Variants in RANBP17 observed in about 807,000 individuals in gnomAD.
RANBP17 encodes RAN binding protein 17, also known as ran-binding protein 17.
Under a neutral mutation model 141.2 loss-of-function variants are expected in RANBP17, and 158 were observed. The observed-to-expected ratio is 1.12, with a 90% CI of 0.98 to 1.28. RANBP17 has a LOEUF of 1.28. Ranked by LOEUF, RANBP17 falls within the 50% of genes most tolerant of loss-of-function variation. The pLI, the probability that RANBP17 is intolerant of heterozygous loss-of-function variation, is 0.00. For missense variants in RANBP17, 1,438 were observed against 1,290.7 expected, an observed-to-expected ratio of 1.11 and a Z score of -1.75; for synonymous variants, 430 against 450.0, an observed-to-expected ratio of 0.96 and a Z score of 0.56.
chr5:170,872,829 T>C (rs1767862031), intron 1 of RANBP17, among the ~76,000 whole-genome samples: 1 of 152,244 alleles, frequency 6.6e-6, no homozygotes, highest in South Asian at 2.1e-4. Context: ...TGTGATGGAT[T>C]ATGTTTACTG....
intron 14 of RANBP17, among the ~76,000 whole-genome samples, chr5:171,078,128 T>C (rs1004816765): frequency 7.3e-6 from 1 of 137,244 alleles, no homozygotes; most frequent in Non-Finnish European, 1.5e-5. Context: ...TTCTTTTCTT[T>C]TCTTTCTTTT....
At chr5:170,986,792 C>G (rs1031108995) in intron 14 of RANBP17, among the ~76,000 whole-genome samples, 13 of 151,984 alleles carry the variant, frequency 8.6e-5, no homozygotes, top group African/African-American at 3.1e-4. Context: ...AGATGGCATT[C>G]TTTCCCTGCA....
intron 24 of RANBP17, among the ~76,000 whole-genome samples, chr5:171,254,905 C>T (rs2128007882): frequency 6.6e-6 from 1 of 152,248 alleles, no homozygotes; most frequent in Non-Finnish European, 1.5e-5. Flanking sequence ...TAGTCTGCTG[C>T]TATTATTAAC....
intron 14 of RANBP17, among the ~76,000 whole-genome samples, chr5:170,990,113 C>G (rs1328102853): frequency 6.6e-6 from 1 of 151,692 alleles, no homozygotes; most frequent in African/African-American, 2.4e-5. Context: ...TTTTAAGCAA[C>G]AATTTAATTC....
At chr5:170,943,274 A>G (rs1040976887) in intron 12 of RANBP17, among the ~76,000 whole-genome samples, 1 of 152,186 alleles carries the variant, frequency 6.6e-6, no homozygotes, top group African/African-American at 2.4e-5. Context: ...TTTAATTTAG[A>G]TGCTTAATGG....
chr5:171,295,227 T>G (rs947748879), intron 26 of RANBP17, among the ~76,000 whole-genome samples: 2 of 152,178 alleles, frequency 1.3e-5, no homozygotes, highest in Non-Finnish European at 2.9e-5. Flanking sequence ...TCAGAACTTG[T>G]GTGTGTATAA....
At chr5:170,874,292 G>C (rs1375130411) in intron 1 of RANBP17, among the ~76,000 whole-genome samples, 3 of 152,170 alleles carry the variant, frequency 2.0e-5, no homozygotes, top group Non-Finnish European at 4.4e-5. Context: ...TGTGGCACTA[G>C]AAGAATGTAT....
At chr5:171,160,953 C>T (rs1349959086) in intron 14 of RANBP17, among the ~76,000 whole-genome samples, 1 of 152,050 alleles carries the variant, frequency 6.6e-6, no homozygotes, top group African/African-American at 2.4e-5. Flanking sequence ...CCACCACGCC[C>T]TGCTAATTTT....
chr5:171,035,732 TTTTTG>T (rs1781832856), intron 14 of RANBP17, among the ~76,000 whole-genome samples: 1 of 137,802 alleles, frequency 7.3e-6, no homozygotes, highest in African/African-American at 3.4e-5. Flanking sequence ...TTTGTTTCTT[TTTTTG>T]TTTTTTTTTT....
chr5:171,058,656 T>C (rs1157479954), intron 14 of RANBP17, among the ~76,000 whole-genome samples: 6 of 150,628 alleles, frequency 4.0e-5, no homozygotes, highest in Non-Finnish European at 7.4e-5. Flanking sequence ...GCATGATTTA[T>C]AGTCCTTTGG....
intron 14 of RANBP17, chr5:171,143,553 G>A (rs919929013): frequency 6.6e-6 from 1 of 152,070 alleles, no homozygotes; most frequent in African/African-American, 2.4e-5. Context: ...GCAGTTTAAG[G>A]CCTAGAGATA....
chr5:170,892,510 T>C lies in RANBP17; in HGVS notation c.380T>C (p.Phe127Ser), dbSNP rs1769729216. The change falls in exon 4 of 28, where the codon TTT becomes TCT. Residue 127 changes from phenylalanine (F) to serine (S), a missense_variant. Coordinates refer to ENST00000523189, the MANE Select transcript of RANBP17 (RefSeq NM_022897.5). Reference protein sequence around the residue: ...LGWFEVQKDQFVFREIIADVK... With the variant: ...LGWFEVQKDQSVFREIIADVK... ...TGGTTTGAGGTTCAGAAAGACCAAT[T>C]TGTCTTCAGAGAAATTATTGCTGAT... 6.2e-7 allele frequency: 1 copy of C among 1,614,000 alleles called. No homozygotes were observed. Among genetic ancestry groups the C allele is most frequent in the Non-Finnish European group, 8.5e-7 (1 of 1,179,940 alleles).
At chr5:170,900,237 C>A (rs1770513864) in intron 5 of RANBP17, among the ~76,000 whole-genome samples, 1 of 151,774 alleles carries the variant, frequency 6.6e-6, no homozygotes, top group East Asian at 1.9e-4. Flanking sequence ...TGGGTTTAGT[C>A]TTGGGAGGTA....
intron 24 of RANBP17, among the ~76,000 whole-genome samples, chr5:171,248,801 G>A (rs1765381551): frequency 6.6e-6 from 1 of 152,070 alleles, no homozygotes; most frequent in South Asian, 2.1e-4. Flanking sequence ...CCAGAGAGCT[G>A]CACTCACCCA....
intron 25 of RANBP17, among the ~76,000 whole-genome samples, chr5:171,291,633 G>C (rs996292383): frequency 6.6e-6 from 1 of 152,110 alleles, no homozygotes; most frequent in South Asian, 2.1e-4. Flanking sequence ...GTGATTCTGT[G>C]CTTAAGCATT....
At chr5:171,155,094 A>AAAAAAAAAAAAAAAATAT (rs34090443) in intron 14 of RANBP17, among the ~76,000 whole-genome samples, 2 of 74,988 alleles carry the variant, frequency 2.7e-5, no homozygotes, top group African/African-American at 1.0e-4. Context: ...AAAAAAAAAA[A>AAAAAAAAAAAAAAAATAT]ATATATATAT....
chr5:171,061,828 T>G (rs1228643037), intron 14 of RANBP17, among the ~76,000 whole-genome samples: 8 of 152,244 alleles, frequency 5.3e-5, no homozygotes, highest in Non-Finnish European at 1.2e-4. Flanking sequence ...CAGGACTTGC[T>G]TTATGAATCT....
chr5:171,151,375 G>A (rs1455991380), intron 14 of RANBP17, among the ~76,000 whole-genome samples: 3 of 152,052 alleles, frequency 2.0e-5, no homozygotes, highest in Non-Finnish European at 2.9e-5. Flanking sequence ...GATATTGGCA[G>A]GACTTGAAAA....
At chr5:171,003,210 CA>C (rs2127579739) in intron 14 of RANBP17, among the ~76,000 whole-genome samples, 1 of 152,172 alleles carries the variant, frequency 6.6e-6, no homozygotes, top group African/African-American at 2.4e-5. Context: ...CACAGCCCTG[CA>C]ATTCAGCTGT....
Sources: gnomAD v4.1 joint callset for allele counts (sites outside exome capture counted in the v4.1 genomes callset) on GRCh38, gnomAD v4.1.1 for gene constraint, MANE v1.5 for transcripts, NCBI Gene and HGNC (gene_info 2026-07-23, HGNC 2026-07-21) for gene names.